Variants in DPP6 observed in about 807,000 individuals in gnomAD.
The protein encoded by DPP6 is A-type potassium channel modulatory protein DPP6.
In DPP6, 69 loss-of-function variants were observed where a neutral mutation model predicts 122.6. That is an observed-to-expected ratio of 0.56 (90% CI 0.46 to 0.69). The LOEUF is 0.69. DPP6 is among the 30% of genes least tolerant of loss of function. The pLI is 0.00. For synonymous variants in DPP6, 418 were observed against 433.1 expected, an observed-to-expected ratio of 0.97 and a Z score of 0.43; for missense variants, 928 against 1,116.9, an observed-to-expected ratio of 0.83 and a Z score of 2.41.
intron 16 of DPP6, among the ~76,000 whole-genome samples, chr7:154,817,633 ATGAT>A (rs1799503049): frequency 6.6e-6 from 1 of 152,192 alleles, no homozygotes; most frequent in South Asian, 2.1e-4. Flanking sequence ...TCATGAGTGA[ATGAT>A]TAATGTCATA....
Position 154,269,648 on chromosome 7 carries a change from C to T in DPP6, c.244-176566C>T, listed in dbSNP as rs141631286. On this transcript the variant is annotated intron_variant, in intron 1 of 25. Coordinates refer to ENST00000377770, the MANE Select transcript of DPP6 (RefSeq NM_130797.4). ...GTTCCTCCGCTTCTCTGGGCTTTGG[C>T]TTTCTTTTCTGTAAAAGGATGAATT... Among the ~76,000 whole-genome samples the T allele has an allele frequency of 7.8e-3, 1,194 of 152,302 alleles. 25 individuals are homozygous for T. Among genetic ancestry groups the T allele is most frequent in the African/African-American group, 0.026 (1,066 of 41,584 alleles).
At chr7:153,838,431 C>T in the DPP6 span, among the ~76,000 whole-genome samples, 3 of 152,118 alleles carry the variant, frequency 2.0e-5, no homozygotes, top group Non-Finnish European at 4.4e-5. Flanking sequence ...CAGGAAGTTA[C>T]CCCTGGATAA....
intron 5 of DPP6, chr7:154,588,430 C>T: frequency 4.5e-6 from 1 of 222,780 alleles, no homozygotes; most frequent in Non-Finnish European, 8.8e-6. Context: ...CCTCCAATTA[C>T]ATTATTTTCC....
intron 7 of DPP6, among the ~76,000 whole-genome samples, chr7:154,724,786 A>G (rs1028082869): frequency 6.6e-6 from 1 of 152,102 alleles, no homozygotes; most frequent in African/African-American, 2.4e-5. Flanking sequence ...GGGAGTTACA[A>G]TAGTATTTAA....
At chr7:154,593,325 T>C (rs1832911768) in intron 5 of DPP6, among the ~76,000 whole-genome samples, 1 of 152,226 alleles carries the variant, frequency 6.6e-6, no homozygotes, top group African/African-American at 2.4e-5. Context: ...GCATTTTGCA[T>C]GGTTAATAAT....
chr7:154,074,041 A>ATGT (rs1334472320), intron 1 of DPP6, among the ~76,000 whole-genome samples: 2 of 58,440 alleles, frequency 3.4e-5, no homozygotes, highest in Non-Finnish European at 9.0e-5. Flanking sequence ...GTATGTATGT[A>ATGT]AGTATCTATC....
intron 1 of DPP6, among the ~76,000 whole-genome samples, chr7:153,989,682 TG>T (rs1307172941): frequency 6.6e-6 from 1 of 151,956 alleles, no homozygotes; most frequent in African/African-American, 2.4e-5. Context: ...TGAGAGAGTC[TG>T]GGGATGGAGA....
intron 5 of DPP6, among the ~76,000 whole-genome samples, chr7:154,584,846 A>G (rs781360496): frequency 9.9e-5 from 15 of 152,230 alleles, no homozygotes; most frequent in East Asian, 1.9e-4. Context: ...TGTGCTATTC[A>G]TCGGCCTCTC....
rs576705884 is a variant in DPP6, at chr7:154,607,375, C to T, written c.628-30446C>T. 9.4e-4 allele frequency among the ~76,000 whole-genome samples: 109 copies of T among 115,756 alleles called. 24 individuals are homozygous for T. The highest frequency in any genetic ancestry group is 1.6e-3 in the Non-Finnish European group (82 of 52,044). The allele number at this position is 115,756 out of a possible 152,430, so 75.9% of individuals were successfully genotyped here. ...GAGATTGAGACCATCCTGGCTAACA[C>T]GCTGAAACCCCCCGTCTCTACTAAA... On this transcript the variant is annotated intron_variant, in intron 5 of 25. Coordinates refer to ENST00000377770, the MANE Select transcript of DPP6 (RefSeq NM_130797.4).
intron 10 of DPP6, among the ~76,000 whole-genome samples, chr7:154,775,796 T>C (rs1796523445): frequency 6.6e-6 from 1 of 152,078 alleles, no homozygotes; most frequent in South Asian, 2.1e-4. Context: ...TCAGATCCAT[T>C]TGCTGACACT....
intron 1 of DPP6, among the ~76,000 whole-genome samples, chr7:154,096,611 T>C (rs1486734497): frequency 6.6e-6 from 1 of 152,248 alleles, no homozygotes; most frequent in Non-Finnish European, 1.5e-5. Flanking sequence ...AGTCATACTT[T>C]GGAAGATTTT....
the DPP6 span, among the ~76,000 whole-genome samples, chr7:153,783,628 ATGTT>A: frequency 0.022 from 3,337 of 152,314 alleles, 42 homozygotes; most frequent in African/African-American, 0.047. Context: ...AAGTTGAAAA[ATGTT>A]TGTCACCTTT....
intron 1 of DPP6, among the ~76,000 whole-genome samples, chr7:154,292,899 C>G (rs946350453): frequency 6.6e-6 from 1 of 152,176 alleles, no homozygotes; most frequent in Non-Finnish European, 1.5e-5. Flanking sequence ...TACCTTCTCT[C>G]TTTTAACACT....
intron 1 of DPP6, among the ~76,000 whole-genome samples, chr7:154,135,725 A>T (rs55773704): frequency 7.2e-6 from 1 of 139,230 alleles, no homozygotes; most frequent in Non-Finnish European, 1.5e-5. Flanking sequence ...CTTTCTCTCT[A>T]TGCACTTATT....
intron 1 of DPP6, among the ~76,000 whole-genome samples, chr7:154,418,484 G>A (rs920193776): frequency 3.3e-5 from 5 of 152,104 alleles, no homozygotes; most frequent in African/African-American, 9.7e-5. Flanking sequence ...TAGATTGTGC[G>A]AAAGGAAAGT....
At chr7:154,190,466 A>G (rs1299588956) in intron 1 of DPP6, among the ~76,000 whole-genome samples, 1 of 152,182 alleles carries the variant, frequency 6.6e-6, no homozygotes, top group Non-Finnish European at 1.5e-5. Context: ...TTTTTGAAAA[A>G]TCATATCTCA....
intron 6 of DPP6, among the ~76,000 whole-genome samples, chr7:154,650,903 T>C (rs545842941): frequency 5.9e-5 from 9 of 152,220 alleles, no homozygotes; most frequent in Non-Finnish European, 1.0e-4. Context: ...AATTAACCTT[T>C]TCATTAGCAC....
chr7:154,036,117 CT>C lies in DPP6; in HGVS notation c.51+148393del, dbSNP rs3980038. ...TCCACAAATTGCCTGCTTTTCTCTA[CT>C]TTTTTTTTTGAGATCAAGCCTCACT... On this transcript the variant is annotated intron_variant, in intron 1 of 25. Transcript: ENST00000404039. Among the ~76,000 whole-genome samples the C allele has an allele frequency of 1.3e-3, 198 of 148,654 alleles. 4 individuals carry two copies. The highest frequency in any genetic ancestry group is 4.5e-3 in the African/African-American group (180 of 40,422).
At chr7:154,032,479 A>C (rs1799294404) in intron 1 of DPP6, among the ~76,000 whole-genome samples, 1 of 152,166 alleles carries the variant, frequency 6.6e-6, no homozygotes, top group African/African-American at 2.4e-5. Context: ...TTCCCCAGTA[A>C]AATGTTACTA....
Sources: allele counts gnomAD v4.1 joint callset (sites outside exome capture counted in the v4.1 genomes callset), GRCh38; gene constraint gnomAD v4.1.1; transcripts MANE v1.5; gene names NCBI Gene and HGNC (gene_info 2026-07-23, HGNC 2026-07-21).